Variants in JPH3 observed in about 807,000 individuals in gnomAD.
JPH3 encodes the protein junctophilin-3.
Under a neutral mutation model 59.6 loss-of-function variants are expected in JPH3, and 11 were observed. The ratio of observed to expected loss-of-function variants is 0.18; its 90% CI spans 0.12 to 0.31. The LOEUF is 0.31. Among genes scored for constraint, JPH3 ranks in the 10% least tolerant of loss-of-function variants. JPH3 has a pLI of 1.00. For synonymous variants in JPH3, 673 were observed against 483.6 expected (o/e 1.39, Z -5.14); for missense variants, 1,202 against 1,105.7 (o/e 1.09, Z -1.24).
chr16:87,676,743 ATTG>A lies in JPH3; in HGVS notation c.1161-7396_1161-7394del, dbSNP rs549483514. On this transcript the variant is annotated intron_variant, in intron 2 of 4. Transcript: ENST00000284262. Reference sequence around the variant, plus strand: ...AGCAAGACTCCATCTCAAAAAAAAAATTGTTATCTCAGCCAGGCACAGTGGCTC... The same window carrying A: ...AGCAAGACTCCATCTCAAAAAAAAAATTATCTCAGCCAGGCACAGTGGCTC... 2.7e-5 allele frequency among the ~76,000 whole-genome samples: 4 copies of A among 150,336 alleles called. 1 individual carries two copies. The highest frequency in any genetic ancestry group is 6.6e-5 in the Admixed American group (1 of 15,100).
chr16:87,655,742 A>G (rs2032478206), intron 2 of JPH3, among the ~76,000 whole-genome samples: 1 of 152,248 alleles, frequency 6.6e-6, no homozygotes, highest in Admixed American at 6.5e-5. Context: ...AGTGCAGTGC[A>G]GGCACCAGCC....
At chr16:87,677,205 C>G (rs1415058445) in intron 2 of JPH3, among the ~76,000 whole-genome samples, 1 of 120,982 alleles carries the variant, frequency 8.3e-6, no homozygotes, top group East Asian at 2.8e-4. Flanking sequence ...CACACACACA[C>G]ACACACACAC....
chr16:87,604,619 C>G, intron 1 of JPH3: 1 of 1,202,020 alleles, frequency 8.3e-7, no homozygotes, highest in Non-Finnish European at 1.1e-6. Context: ...GAATAAAAAT[C>G]CTGAGCGTAC....
At chr16:87,653,405 C>A (rs1376638008) in intron 2 of JPH3, among the ~76,000 whole-genome samples, 1 of 152,088 alleles carries the variant, frequency 6.6e-6, no homozygotes, top group African/African-American at 2.4e-5. Context: ...GCTGGCCATG[C>A]CTGGAGCTGA....
chr16:87,667,899 T>C lies in JPH3; in HGVS notation c.1161-16243T>C, dbSNP rs904187524. Among the ~76,000 whole-genome samples the C allele has an allele frequency of 6.6e-5, 10 of 152,206 alleles. No homozygotes were observed. In the East Asian group the frequency reaches 9.6e-4, roughly 15 times the overall value. ...TCCTAGCTCCAGGCCATGGCTGCCA[T>C]TGGGCTGTGTTGAGCCTGTGGCGCG... On this transcript the variant is annotated intron_variant, in intron 2 of 4. Transcript: ENST00000284262.
chr16:87,636,423 G>A (rs969122899), intron 1 of JPH3, among the ~76,000 whole-genome samples: 21 of 152,212 alleles, frequency 1.4e-4, no homozygotes, highest in Admixed American at 5.2e-4. Flanking sequence ...AGGCGTGTGC[G>A]CTCAATAGCT....
At chr16:87,642,308 C>A (rs918729009) in intron 1 of JPH3, among the ~76,000 whole-genome samples, 1 of 152,064 alleles carries the variant, frequency 6.6e-6, no homozygotes, top group Non-Finnish European at 1.5e-5. Flanking sequence ...ACCTGCCACC[C>A]GCTGCAGCCT....
At chr16:87,624,902 G>A (rs1028602063) in intron 1 of JPH3, among the ~76,000 whole-genome samples, 1 of 152,130 alleles carries the variant, frequency 6.6e-6, no homozygotes, top group Non-Finnish European at 1.5e-5. Context: ...CGGGTTCAAG[G>A]GATTCTCCTG....
intron 2 of JPH3, among the ~76,000 whole-genome samples, chr16:87,659,701 C>G (rs2032639417): frequency 6.6e-6 from 1 of 152,052 alleles, no homozygotes; most frequent in South Asian, 2.1e-4. Context: ...CCACTGCACT[C>G]CAGCCTGGGC....
chr16:87,683,177 A>T (rs1403665790), intron 2 of JPH3, among the ~76,000 whole-genome samples: 2 of 152,194 alleles, frequency 1.3e-5, no homozygotes, highest in African/African-American at 4.8e-5. Context: ...CCCGCAACCC[A>T]CACCGGGGCA....
chr16:87,637,575 C>T (rs1268317020), intron 1 of JPH3, among the ~76,000 whole-genome samples: 1 of 152,074 alleles, frequency 6.6e-6, no homozygotes, highest in East Asian at 1.9e-4. Context: ...GACGTGGAGT[C>T]CGAAGTTGTA....
chr16:87,694,836 G>A (rs868793201), intron 4 of JPH3: 8 of 186,128 alleles, frequency 4.3e-5, no homozygotes, highest in South Asian at 1.2e-4. Context: ...CCCAGCTCCC[G>A]GACTCTGCTT....
At chr16:87,692,904 C>T (rs1271540262) in intron 4 of JPH3, among the ~76,000 whole-genome samples, 1 of 152,222 alleles carries the variant, frequency 6.6e-6, no homozygotes, top group Non-Finnish European at 1.5e-5. Context: ...CACTGACCAC[C>T]CCACTCTGTC....
chr16:87,649,028 G>C (rs550185278), intron 2 of JPH3, among the ~76,000 whole-genome samples: 1 of 152,224 alleles, frequency 6.6e-6, no homozygotes. Flanking sequence ...AACACGGGTC[G>C]GAGGCAGAGT....
chr16:87,629,794 G>A (rs1330564278), intron 1 of JPH3, among the ~76,000 whole-genome samples: 1 of 152,142 alleles, frequency 6.6e-6, no homozygotes, highest in East Asian at 1.9e-4. Flanking sequence ...GCACACCCAT[G>A]GAAGGCGTGG....
intron 1 of JPH3, among the ~76,000 whole-genome samples, chr16:87,627,743 A>G (rs1173965180): frequency 6.6e-6 from 1 of 152,162 alleles, no homozygotes; most frequent in Admixed American, 6.5e-5. Flanking sequence ...GTGGCTAGGA[A>G]GCTAACAGCC....
chr16:87,609,874 C>T lies in JPH3; in HGVS notation c.382+6346C>T, dbSNP rs138070922. Among the ~76,000 whole-genome samples, 187 of 152,254 alleles carry T rather than the reference C, an allele frequency of 1.2e-3. 1 individual carries two copies. The highest frequency in any genetic ancestry group is 4.3e-3 in the African/African-American group (179 of 41,552). ...AGGGATGGTTTTGGGATGATTCAGG[C>T]GCATTCTATTTATTGTGTGCTTTAT... On this transcript the variant is annotated intron_variant, in intron 1 of 4. Transcript: ENST00000284262.
intron 3 of JPH3, among the ~76,000 whole-genome samples, chr16:87,688,603 G>A (rs377040246): frequency 6.6e-6 from 1 of 152,146 alleles, no homozygotes; most frequent in African/African-American, 2.4e-5. Context: ...GTCTCATGAG[G>A]TGGCCGCCCC....
chr16:87,650,490 C>G (rs904383436), intron 2 of JPH3, among the ~76,000 whole-genome samples: 1 of 152,192 alleles, frequency 6.6e-6, no homozygotes, highest in South Asian at 2.1e-4. Context: ...TCTCACATCT[C>G]TCACTTTAAA....
Sources: allele counts gnomAD v4.1 joint callset (sites outside exome capture counted in the v4.1 genomes callset), GRCh38; gene constraint gnomAD v4.1.1; transcripts MANE v1.5; gene names NCBI Gene and HGNC (gene_info 2026-07-23, HGNC 2026-07-21).